RPRD2: variants seen among roughly 807,000 people sequenced by gnomAD.
RPRD2 encodes regulation of nuclear pre-mRNA domain containing 2, also known as regulation of nuclear pre-mRNA domain-containing protein 2.
A neutral mutation model predicts 104.4 loss-of-function variants in RPRD2; 12 were observed. The observed-to-expected ratio is 0.11, with a 90% confidence interval of 0.07 to 0.19. RPRD2 has a LOEUF of 0.19. Ranked by LOEUF, RPRD2 falls within the 10% of genes least tolerant of loss-of-function variation. RPRD2 has a pLI of 1.00. For synonymous variants in RPRD2, 714 were observed against 684.9 expected, an observed-to-expected ratio of 1.04 and a Z score of -0.66; for missense variants, 1,543 against 1,790.1, an observed-to-expected ratio of 0.86 and a Z score of 2.49.
intron 1 of RPRD2, among the ~76,000 whole-genome samples, chr1:150,397,485 AT>A (rs1662621180): frequency 6.6e-6 from 1 of 152,114 alleles, no homozygotes; most frequent in African/African-American, 2.4e-5. Context: ...CCCCATTTTT[AT>A]TGAACCCCTT....
At position 150,464,519 on chromosome 1, in the gene RPRD2, G is replaced by A. The variant is rs1553899463; in HGVS notation, c.1412-8G>A. On this transcript the variant is annotated splice_region_variant and splice_polypyrimidine_tract_variant and intron_variant, in intron 9 of 10. Coordinates refer to ENST00000369068, the MANE Select transcript of RPRD2 (RefSeq NM_015203.5). ...TGCATTTTCTTGAGTTCATCTTTCTGCCACCAGGGGTCAGTCCTGCATCAA... is the reference window on the plus strand; with the variant it reads ...TGCATTTTCTTGAGTTCATCTTTCTACCACCAGGGGTCAGTCCTGCATCAA... 5 of 1,587,786 alleles carry A rather than the reference G, an allele frequency of 3.1e-6. No homozygotes were observed. The highest frequency in any genetic ancestry group is 4.3e-6 in the Non-Finnish European group (5 of 1,167,056).
intron 2 of RPRD2, among the ~76,000 whole-genome samples, chr1:150,428,084 C>T (rs781907118): frequency 3.3e-5 from 5 of 151,966 alleles, no homozygotes; most frequent in African/African-American, 7.3e-5. Context: ...TGGTACATTA[C>T]GGAAGATATT....
At chr1:150,411,669 T>C (rs1663929853) in intron 1 of RPRD2, among the ~76,000 whole-genome samples, 1 of 128,774 alleles carries the variant, frequency 7.8e-6, no homozygotes, top group Non-Finnish European at 1.6e-5. Flanking sequence ...TGCGCACCCA[T>C]AGTCCCAGTT....
chr1:150,374,308 A>G (rs1341413912), intron 1 of RPRD2, among the ~76,000 whole-genome samples: 1 of 152,174 alleles, frequency 6.6e-6, no homozygotes, highest in Non-Finnish European at 1.5e-5. Context: ...AAGAACCTAG[A>G]AGCTCTGCAC....
intron 7 of RPRD2, among the ~76,000 whole-genome samples, chr1:150,453,107 A>C (rs1667309090): frequency 2.0e-5 from 3 of 149,918 alleles, no homozygotes; most frequent in South Asian, 4.2e-4. Context: ...ATCTTGGTTC[A>C]CTGCAACCTC....
chr1:150,440,986 C>T lies in RPRD2; in HGVS notation c.399C>T (p.Tyr133=). 1 of 1,579,674 alleles carries T rather than the reference C, an allele frequency of 6.3e-7. No homozygotes were observed. Among genetic ancestry groups the T allele is most frequent in the East Asian group, 2.3e-5 (1 of 44,168 alleles). ...AAATCTGGGAAGATAGAAATGTATA[C>T]CCAGAAGAAATGATTGTGGCATTGA... ...IFKIWEDRNV[Y]PEEMIVALRE... The change falls in exon 3 of 11, where the codon TAC becomes TAT. Residue 133 remains tyrosine (Y), a synonymous_variant. Transcript: ENST00000369068.
In RPRD2 at chr1:150,434,398, T is replaced by C. The variant is rs1412611601; in HGVS notation, c.336-6525T>C. Among the ~76,000 whole-genome samples, 6 of 152,160 alleles carry C rather than the reference T, an allele frequency of 3.9e-5. No individual in the cohort carries two copies. The East Asian group carries it at 1.2e-3, about 29-fold the overall frequency. On this transcript the variant is annotated intron_variant, in intron 2 of 10. Transcript: ENST00000369068. ...AGTTTTTAAGAATTTTAAGAACAGT[T>C]AAAGCTGTTCTTAGATATTTAAGAA...
intron 2 of RPRD2, among the ~76,000 whole-genome samples, chr1:150,433,736 A>T: frequency 6.7e-6 from 1 of 148,784 alleles, no homozygotes. Context: ...TTTTTTTTTA[A>T]CCAAGAAGCA....
rs1668742520 is a variant in RPRD2, at chr1:150,473,556, T to TTAAAAAAA, written c.*222_*223insTAAAAAAA. On this transcript the variant is annotated 3_prime_UTR_variant, in exon 11 of 11. Coordinates refer to ENST00000369068, the MANE Select transcript of RPRD2 (RefSeq NM_015203.5). ...TCTACCTTCCCCAAGTTGTTTGTAT[T>TTAAAAAAA]AAAAAAAAAAAAAAAAAAAAAAAGT... 1.0e-5 allele frequency: 1 copy of TTAAAAAAA among 98,120 alleles called. No homozygotes were observed. The highest frequency in any genetic ancestry group is 1.9e-5 in the Non-Finnish European group (1 of 51,862). The allele number at this position is 98,120 out of a possible 1,614,324, so 6.1% of individuals were successfully genotyped here. A position where few individuals can be genotyped will look rare whatever the true frequency, so the allele number is the denominator to read the frequency against.
At position 150,364,284 on chromosome 1, in the gene RPRD2, A is replaced by T. The variant is rs1659654073; in HGVS notation, c.-431A>T. The stretch of plus-strand genomic sequence containing the variant: ...GGGGCAGTCGGGTAGTATTACATTT[A>T]AGATATTAACGCCCGACCTGGCTCA... On this transcript the variant is annotated 5_prime_UTR_variant, in exon 1 of 11. Coordinates refer to ENST00000369068, the MANE Select transcript of RPRD2 (RefSeq NM_015203.5). 6.6e-6 allele frequency among the ~76,000 whole-genome samples: 1 copy of T among 152,174 alleles called. No individual in the cohort carries two copies. Among genetic ancestry groups the T allele is most frequent in the Admixed American group, 6.5e-5 (1 of 15,280 alleles).
intron 1 of RPRD2, among the ~76,000 whole-genome samples, chr1:150,395,399 G>GTGTGTATA (rs1461510229): frequency 1.3e-5 from 2 of 151,576 alleles, no homozygotes. Context: ...GTGTGTGTGT[G>GTGTGTATA]TATACACATC....
intron 1 of RPRD2, among the ~76,000 whole-genome samples, chr1:150,381,567 T>G (rs1344962985): frequency 6.7e-6 from 1 of 150,252 alleles, no homozygotes; most frequent in Non-Finnish European, 1.5e-5. Flanking sequence ...TGCAGTGGCG[T>G]GATCTCAGCT....
chr1:150,381,928 A>G (rs781874794), intron 1 of RPRD2, among the ~76,000 whole-genome samples: 3 of 152,166 alleles, frequency 2.0e-5, no homozygotes, highest in African/African-American at 4.8e-5. Context: ...GGTTGCTACT[A>G]ACCTCTGAAA....
intron 2 of RPRD2, among the ~76,000 whole-genome samples, chr1:150,439,449 C>G (rs1553893889): frequency 6.6e-6 from 1 of 151,982 alleles, no homozygotes; most frequent in Non-Finnish European, 1.5e-5. Context: ...CACCATAGTT[C>G]AGCCTCGACA....
At chr1:150,466,147 G>A (rs1363748405) in intron 10 of RPRD2, among the ~76,000 whole-genome samples, 1 of 152,034 alleles carries the variant, frequency 6.6e-6, no homozygotes, top group Non-Finnish European at 1.5e-5. Flanking sequence ...GGGAGGCTGA[G>A]GCAGGCGGAT....
chr1:150,421,885 G>C (rs797027155), intron 2 of RPRD2, among the ~76,000 whole-genome samples: 2 of 152,212 alleles, frequency 1.3e-5, no homozygotes, highest in African/African-American at 4.8e-5. Flanking sequence ...GCCAAGGCAG[G>C]AGGATCTCTT....
intron 1 of RPRD2, among the ~76,000 whole-genome samples, chr1:150,372,506 G>GACAC (rs143656895): frequency 1.3e-5 from 2 of 150,182 alleles, no homozygotes; most frequent in Non-Finnish European, 3.0e-5. Context: ...CACACACACA[G>GACAC]ACACACACAC....
rs745612308 is a variant in RPRD2 at position 150,473,286 on chromosome 1, C to T, written c.4338C>T (p.Gly1446=). The T allele has an allele frequency of 1.9e-6, 3 of 1,613,258 alleles. No homozygotes were observed. The highest frequency in any genetic ancestry group is 1.1e-5 in the South Asian group (1 of 91,070). The change falls in exon 11 of 11, where the codon GGC becomes GGT. Residue 1446 remains glycine, a synonymous_variant. Transcript: ENST00000369068. ...LKRPRPPFAR[G]PPFFAPKRPF... ...GACCCAGGCCACCTTTTGCTAGGGG[C>T]CCTCCGTTCTTTGCACCAAAACGCC... is the stretch of plus-strand genomic sequence containing the variant.
Position 150,473,443 on chromosome 1 carries a change from T to G in RPRD2, c.*109T>G. The G allele has an allele frequency of 8.8e-7, 1 of 1,139,136 alleles. No individual in the cohort carries two copies. The highest frequency in any genetic ancestry group is 1.2e-6 in the Non-Finnish European group (1 of 821,702). 70.6% of individuals were successfully genotyped at this position (1,139,136 alleles called of 1,614,324 possible). ...TTTCTCTTTCTCGATTTTTTTTTTA[T>G]TATAACAAAGGGCCTCTCTTCCAAA... On this transcript the variant is annotated 3_prime_UTR_variant, in exon 11 of 11. Coordinates refer to ENST00000369068, the MANE Select transcript of RPRD2 (RefSeq NM_015203.5).
Sources: allele counts gnomAD v4.1 joint callset (sites outside exome capture counted in the v4.1 genomes callset), GRCh38; gene constraint gnomAD v4.1.1; transcripts MANE v1.5; gene names NCBI Gene and HGNC (gene_info 2026-07-23, HGNC 2026-07-21).